Variants in NALF1 observed in about 807,000 individuals in gnomAD.
The protein encoded by NALF1 is family with sequence similarity 155 member A.
A neutral mutation model predicts 48.4 loss-of-function variants in NALF1; 3 were observed. The ratio of observed to expected loss-of-function variants is 0.06; its 90% CI spans 0.03 to 0.16. The LOEUF is 0.16. Ranked by LOEUF, NALF1 falls within the 10% of genes least tolerant of loss-of-function variation. The pLI, the probability that NALF1 is intolerant of heterozygous loss-of-function variation, is 1.00. For missense variants in NALF1, 526 were observed against 571.5 expected, an observed-to-expected ratio of 0.92 and a Z score of 0.81; for synonymous variants, 262 against 245.7, an observed-to-expected ratio of 1.07 and a Z score of -0.62.
intron 1 of NALF1, among the ~76,000 whole-genome samples, chr13:107,286,648 C>A (rs1427021473): frequency 6.6e-6 from 1 of 150,464 alleles, no homozygotes; most frequent in Admixed American, 6.6e-5. Context: ...AGCCCAAGTG[C>A]CCATGAATGG....
intron 1 of NALF1, among the ~76,000 whole-genome samples, chr13:107,315,138 A>G (rs1882121231): frequency 2.0e-5 from 3 of 152,034 alleles, no homozygotes; most frequent in Non-Finnish European, 4.4e-5. Flanking sequence ...TCCTTTCTGA[A>G]TGCCCTTTCT....
intron 1 of NALF1, among the ~76,000 whole-genome samples, chr13:107,587,518 T>C (rs1429599844): frequency 6.6e-6 from 1 of 152,092 alleles, no homozygotes; most frequent in Non-Finnish European, 1.5e-5. Context: ...ACAATCCAAT[T>C]TGTTATAGCT....
intron 1 of NALF1, among the ~76,000 whole-genome samples, chr13:107,650,676 A>G (rs9520538): frequency 0.29 from 44,609 of 151,932 alleles, 6,927 homozygotes; most frequent in African/African-American, 0.35. Flanking sequence ...AATTACTACT[A>G]AAGAACTTAC....
intron 1 of NALF1, among the ~76,000 whole-genome samples, chr13:107,775,853 A>G (rs1348399075): frequency 2.0e-5 from 3 of 152,240 alleles, no homozygotes; most frequent in African/African-American, 7.2e-5. Flanking sequence ...AGGTTTGGAT[A>G]AGCTGAATAA....
intron 1 of NALF1, among the ~76,000 whole-genome samples, chr13:107,849,520 A>C (rs1445762889): frequency 6.6e-6 from 1 of 152,110 alleles, no homozygotes; most frequent in Non-Finnish European, 1.5e-5. Flanking sequence ...CTGTATGAAG[A>C]AGCCTGCCCA....
chr13:107,699,583 A>C (rs1172593285), intron 1 of NALF1, among the ~76,000 whole-genome samples: 1 of 152,154 alleles, frequency 6.6e-6, no homozygotes, highest in Non-Finnish European at 1.5e-5. Flanking sequence ...AGGGGAAGAA[A>C]TATTCGGAAA....
At chr13:107,724,127 AT>A (rs941499152) in intron 1 of NALF1, among the ~76,000 whole-genome samples, 2 of 152,084 alleles carry the variant, frequency 1.3e-5, no homozygotes, top group African/African-American at 2.4e-5. Context: ...AGCTTGTTCC[AT>A]TTTTTTAATG....
chr13:107,405,820 G>C (rs1359551939), intron 1 of NALF1, among the ~76,000 whole-genome samples: 2 of 151,962 alleles, frequency 1.3e-5, no homozygotes, highest in African/African-American at 4.8e-5. Flanking sequence ...GAGTTATTTA[G>C]AATAGATAAA....
chr13:107,594,262 A>G (rs572747688), intron 1 of NALF1, among the ~76,000 whole-genome samples: 1 of 152,198 alleles, frequency 6.6e-6, no homozygotes, highest in East Asian at 1.9e-4. Context: ...CAATTCCCCT[A>G]TTAACACTCT....
At chr13:107,552,829 T>C (rs1235151786) in intron 1 of NALF1, among the ~76,000 whole-genome samples, 1 of 152,168 alleles carries the variant, frequency 6.6e-6, no homozygotes, top group African/African-American at 2.4e-5. Flanking sequence ...ATCACATTTT[T>C]AGGAAGTAAA....
chr13:107,356,507 T>C (rs989736591), intron 1 of NALF1, among the ~76,000 whole-genome samples: 35 of 152,202 alleles, frequency 2.3e-4, no homozygotes, highest in African/African-American at 8.2e-4. Context: ...GGATAGTCTT[T>C]CTAAACTACA....
At chr13:107,817,548 T>C (rs571551785) in intron 1 of NALF1, among the ~76,000 whole-genome samples, 1 of 152,344 alleles carries the variant, frequency 6.6e-6, no homozygotes, top group Admixed American at 6.5e-5. Flanking sequence ...TCTCTCCCAA[T>C]TCCCTCCTCT....
rs561349103 is a variant in NALF1 at position 107,833,183 on chromosome 13, C to T, written c.915+32499G>A. Among the ~76,000 whole-genome samples, 343 of 152,292 alleles carry T rather than the reference C, an allele frequency of 2.3e-3. 1 individual carries two copies. In the Middle Eastern group the frequency reaches 0.024, roughly 11 times the overall value. ...ATACCACTTTGAACATACGAAGACACGTCTGATGAATAATTTGAACTGCTT... is the reference window on the plus strand; with the variant it reads ...ATACCACTTTGAACATACGAAGACATGTCTGATGAATAATTTGAACTGCTT... On this transcript the variant is annotated intron_variant, in intron 1 of 2. Transcript: ENST00000375915.
At chr13:107,782,570 G>C (rs1235624973) in intron 1 of NALF1, among the ~76,000 whole-genome samples, 47 of 151,600 alleles carry the variant, frequency 3.1e-4, no homozygotes, top group Non-Finnish European at 8.8e-5. Context: ...AAAGTGAGGA[G>C]CGTCTCTGCC....
At chr13:107,720,725 A>G (rs900275924) in intron 1 of NALF1, among the ~76,000 whole-genome samples, 2 of 152,080 alleles carry the variant, frequency 1.3e-5, no homozygotes, top group African/African-American at 4.8e-5. Flanking sequence ...GCATTACCCA[A>G]CTGCCTGCAC....
At chr13:107,315,249 TAAATATAA>T (rs1384800517) in intron 1 of NALF1, among the ~76,000 whole-genome samples, 1 of 151,840 alleles carries the variant, frequency 6.6e-6, no homozygotes, top group Admixed American at 6.6e-5. Context: ...AAATTTCTTA[TAAATATAA>T]AAATATAAAG....
At chr13:107,267,457 G>A (rs968197089) in intron 1 of NALF1, among the ~76,000 whole-genome samples, 2 of 152,158 alleles carry the variant, frequency 1.3e-5, no homozygotes, top group African/African-American at 2.4e-5. Context: ...TTTATAGCGA[G>A]AGCGCTGTGT....
intron 2 of NALF1, among the ~76,000 whole-genome samples, chr13:107,201,240 T>C (rs1594067189): frequency 6.6e-6 from 1 of 152,176 alleles, no homozygotes; most frequent in African/African-American, 2.4e-5. Context: ...TCTCAATGTA[T>C]AGGCACATAT....
intron 1 of NALF1, among the ~76,000 whole-genome samples, chr13:107,279,043 CTTTTT>C (rs200133690): frequency 3.3e-5 from 4 of 122,936 alleles, no homozygotes; most frequent in African/African-American, 6.1e-5. Context: ...TTCTTTTCTT[CTTTTT>C]TTTTTTTTTT....
Sources: gnomAD v4.1 joint callset for allele counts (sites outside exome capture counted in the v4.1 genomes callset) on GRCh38, gnomAD v4.1.1 for gene constraint, MANE v1.5 for transcripts, NCBI Gene and HGNC (gene_info 2026-07-23, HGNC 2026-07-21) for gene names.